RSPH14: variants seen among roughly 807,000 people sequenced by gnomAD.
The protein encoded by RSPH14 is radial spoke head 14 homolog.
RSPH14 carries 20 observed loss-of-function variants against 26.7 expected under a neutral mutation model. That is an observed-to-expected ratio of 0.75 (90% confidence interval 0.53 to 1.09). The LOEUF (loss-of-function observed/expected upper bound fraction) is 1.09. Ranked by LOEUF, RSPH14 falls within the 50% of genes least tolerant of loss-of-function variation. The pLI, the probability that RSPH14 is intolerant of heterozygous loss-of-function variation, is 0.00. For synonymous variants in RSPH14, 177 were observed against 189.3 expected (o/e 0.93, Z 0.53); for missense variants, 449 against 457.2 (o/e 0.98, Z 0.16).
intron 4 of RSPH14, among the ~76,000 whole-genome samples, chr22:23,090,640 C>A (rs1472500225): frequency 6.6e-6 from 1 of 152,152 alleles, no homozygotes; most frequent in East Asian, 1.9e-4. Context: ...GCCGGTGGTT[C>A]CCTCATCCCT....
chr22:23,088,665 G>T (rs1433352652), intron 4 of RSPH14, among the ~76,000 whole-genome samples: 2 of 152,304 alleles, frequency 1.3e-5, no homozygotes, highest in Middle Eastern at 3.4e-3. Context: ...GTCTGAAATG[G>T]GTTCCATGAC....
intron 4 of RSPH14, among the ~76,000 whole-genome samples, chr22:23,125,565 A>G (rs1276951498): frequency 2.0e-5 from 3 of 152,186 alleles, no homozygotes; most frequent in Non-Finnish European, 4.4e-5. Flanking sequence ...TGCCGATCAG[A>G]AGTCAACGGA....
chr22:23,096,920 G>A (rs548958306), intron 4 of RSPH14, among the ~76,000 whole-genome samples: 1 of 152,362 alleles, frequency 6.6e-6, no homozygotes, highest in African/African-American at 2.4e-5. Context: ...GCAGCCCGAG[G>A]GAGACCTGGA....
At chr22:23,165,817 G>A in the RSPH14 span, among the ~76,000 whole-genome samples, 2 of 152,124 alleles carry the variant, frequency 1.3e-5, no homozygotes, top group African/African-American at 4.8e-5. Context: ...ATGGCAGCTT[G>A]GGCTTCCTCA....
the RSPH14 span, chr22:23,161,625 T>C: frequency 2.1e-6 from 3 of 1,426,722 alleles, no homozygotes; most frequent in Admixed American, 5.6e-5. Context: ...TTTCCGTGAC[T>C]GTGGTGTGGA....
At chr22:23,099,833 G>A (rs2069242659) in intron 4 of RSPH14, among the ~76,000 whole-genome samples, 1 of 152,280 alleles carries the variant, frequency 6.6e-6, no homozygotes, top group Non-Finnish European at 1.5e-5. Flanking sequence ...AGGTGGCTGT[G>A]ACCAGCAGAG....
rs759325196 is a variant in RSPH14, at chr22:23,059,630, G to A, written c.879C>T (p.Thr293=). The change falls in exon 7 of 7, where the codon ACC becomes ACT. Residue 293 remains threonine, a synonymous_variant. Transcript: ENST00000216036. ...SPMTIARLNA[T]KALTMLAEAP... is the part of the protein sequence containing the mutation. ...CCTCTGCCAGCATGGTAAGGGCCTTGGTGGCATTCAGGCGCGCTATGGTCA... is the reference window on the plus strand; with the variant it reads ...CCTCTGCCAGCATGGTAAGGGCCTTAGTGGCATTCAGGCGCGCTATGGTCA... 1 of 1,609,932 alleles carries A rather than the reference G, an allele frequency of 6.2e-7. No homozygotes were observed. The highest frequency in any genetic ancestry group is 1.3e-5 in the African/African-American group (1 of 74,536).
chr22:23,086,240 G>C (rs1214807326), intron 4 of RSPH14, among the ~76,000 whole-genome samples: 1 of 152,204 alleles, frequency 6.6e-6, no homozygotes, highest in Non-Finnish European at 1.5e-5. Flanking sequence ...GTCCCGTGGG[G>C]CCCAGTTGGA....
At chr22:23,089,433 T>C (rs1255509222) in intron 4 of RSPH14, among the ~76,000 whole-genome samples, 1 of 152,088 alleles carries the variant, frequency 6.6e-6, no homozygotes, top group Non-Finnish European at 1.5e-5. Flanking sequence ...ACCATGGGTA[T>C]TATGTTGCCC....
At chr22:23,128,524 C>T (rs75431914) in intron 4 of RSPH14, among the ~76,000 whole-genome samples, 5,256 of 152,320 alleles carry the variant, frequency 0.035, 304 homozygotes, top group African/African-American at 0.12. Flanking sequence ...TAGAGGAATG[C>T]GTGTGGGTGA....
intron 5 of RSPH14, among the ~76,000 whole-genome samples, chr22:23,063,394 C>T (rs2068132335): frequency 6.6e-6 from 1 of 152,192 alleles, no homozygotes; most frequent in African/African-American, 2.4e-5. Flanking sequence ...GAACACACAC[C>T]GCACCCTGCC....
Position 23,134,067 on chromosome 22 carries a change from T to C in RSPH14, c.380A>G (p.Asn127Ser), listed in dbSNP as rs776366636. 3 of 1,613,588 alleles carry C rather than the reference T, an allele frequency of 1.9e-6. No homozygotes were observed. The highest frequency in any genetic ancestry group is 2.2e-5 in the South Asian group (2 of 91,074). ...LNDPSPVCRG[N>S]LYKAYMQLVQ... ...CAGCTGCATGTATGCCTTGTACAGG[T>C]TCCCCCGGCAGACTGGGCTGGGGTC... The change falls in exon 4 of 7, where the codon AAC becomes AGC. Residue 127 changes from asparagine (N) to serine (S), a missense_variant. Physicochemically the swap from Asn to Ser is conservative, Grantham distance 46 (BLOSUM62 1). Coordinates refer to ENST00000216036, the MANE Select transcript of RSPH14 (RefSeq NM_014433.3).
intron 4 of RSPH14, among the ~76,000 whole-genome samples, chr22:23,109,967 T>A (rs1405453423): frequency 6.6e-6 from 1 of 152,166 alleles, no homozygotes; most frequent in Non-Finnish European, 1.5e-5. Context: ...GCTCACTGAG[T>A]CATTAACCCT....
chr22:23,152,989 T>C, the RSPH14 span: 4 of 1,410,526 alleles, frequency 2.8e-6, no homozygotes, highest in South Asian at 1.2e-5. Context: ...TCCGGGCACA[T>C]TTCTGTGAGT....
At chr22:23,081,256 CGCAAGGTGTGCTGTGGTTTAA>C (rs1305190554) in intron 4 of RSPH14, among the ~76,000 whole-genome samples, 10 of 152,128 alleles carry the variant, frequency 6.6e-5, no homozygotes, top group Admixed American at 6.6e-4. Flanking sequence ...CGAGATGTCA[CGCAAGGTGTGCTGTGGTTTAA>C]GCAAGAAGTG....
chr22:23,068,904 A>C (rs147768813), intron 4 of RSPH14, among the ~76,000 whole-genome samples: 1,874 of 152,232 alleles, frequency 0.012, 30 homozygotes, highest in African/African-American at 0.043. Context: ...GCAAGCACAA[A>C]GGGTAGCTAG....
intron 4 of RSPH14, among the ~76,000 whole-genome samples, chr22:23,130,496 A>AAGAAAGAAAGAGAAAGAAAG (rs67156030): frequency 9.0e-6 from 1 of 110,692 alleles, no homozygotes; most frequent in East Asian, 2.8e-4. Context: ...GAAGGAAAGA[A>AAGAAAGAAAGAGAAAGAAAG]AAAGAAAGAA....
chr22:23,179,800 T>C, the RSPH14 span: 1 of 205,932 alleles, frequency 4.9e-6, no homozygotes, highest in African/African-American at 2.3e-5. Context: ...CCTCCCTGCC[T>C]TGCGGGGTGA....
chr22:23,066,147 G>A (rs2068207033), intron 4 of RSPH14, among the ~76,000 whole-genome samples: 1 of 152,184 alleles, frequency 6.6e-6, no homozygotes, highest in Non-Finnish European at 1.5e-5. Context: ...CAAAGTTCTG[G>A]GATGGGGACA....
Sources: allele counts gnomAD v4.1 joint callset (sites outside exome capture counted in the v4.1 genomes callset), GRCh38; gene constraint gnomAD v4.1.1; transcripts MANE v1.5; gene names NCBI Gene and HGNC (gene_info 2026-07-23, HGNC 2026-07-21).